The following XKR9 variants were observed in gnomAD, a reference collection of about 807,000 sequenced individuals.
XKR9 encodes XK related 9.
Under a neutral mutation model 32.0 loss-of-function variants are expected in XKR9, and 32 were observed. That is an observed-to-expected ratio of 1.00 (90% CI 0.76 to 1.34). XKR9 has a LOEUF of 1.34. XKR9 is among the 40% of genes most tolerant of loss of function. XKR9 has a pLI of 0.00. For synonymous variants in XKR9, 168 were observed against 143.4 expected, an observed-to-expected ratio of 1.17 and a Z score of -1.22; for missense variants, 546 against 429.7, an observed-to-expected ratio of 1.27 and a Z score of -2.39.
chr8:70,741,197 G>T (rs1282647976), intron 2 of XKR9, among the ~76,000 whole-genome samples: 1 of 152,126 alleles, frequency 6.6e-6, no homozygotes, highest in African/African-American at 2.4e-5. Context: ...TGGGGACTTT[G>T]GGCAGTATTT....
At chr8:70,954,536 A>G in the XKR9 span, among the ~76,000 whole-genome samples, 1 of 152,152 alleles carries the variant, frequency 6.6e-6, no homozygotes, top group Non-Finnish European at 1.5e-5. Flanking sequence ...CCTTTGCATT[A>G]TTTTCCATCA....
the XKR9 span, among the ~76,000 whole-genome samples, chr8:70,927,510 G>A: frequency 2.2e-4 from 33 of 152,274 alleles, no homozygotes; most frequent in African/African-American, 6.7e-4. Flanking sequence ...AGCAGATTCC[G>A]TGTCTGGGAA....
chr8:71,037,618 A>G, the XKR9 span, among the ~76,000 whole-genome samples: 1 of 152,196 alleles, frequency 6.6e-6, no homozygotes. Context: ...TAATTGAGAA[A>G]AGACTCACAC....
At chr8:71,056,973 C>T in the XKR9 span, among the ~76,000 whole-genome samples, 1 of 152,094 alleles carries the variant, frequency 6.6e-6, no homozygotes, top group South Asian at 2.1e-4. Context: ...GTTTCAACTC[C>T]TTTTATGCCA....
At chr8:70,715,970 C>T (rs959191459) in intron 4 of XKR9, among the ~76,000 whole-genome samples, 1 of 151,550 alleles carries the variant, frequency 6.6e-6, no homozygotes, top group South Asian at 2.1e-4. Context: ...TTAATCAAAA[C>T]ATGAGAGTAA....
chr8:70,780,944 TG>T (rs200878614), intron 2 of XKR9: 1 of 152,072 alleles, frequency 6.6e-6, no homozygotes, highest in East Asian at 1.9e-4. Context: ...AGTGGAGAGT[TG>T]TATACCAACT....
intron 4 of XKR9, among the ~76,000 whole-genome samples, chr8:70,732,720 A>T (rs1806713576): frequency 6.6e-6 from 1 of 152,228 alleles, no homozygotes; most frequent in Non-Finnish European, 1.5e-5. Flanking sequence ...ACAGTGGTGT[A>T]TGCTAAAACC....
the XKR9 span, among the ~76,000 whole-genome samples, chr8:70,876,345 A>G: frequency 6.7e-6 from 1 of 150,248 alleles, no homozygotes; most frequent in Non-Finnish European, 1.5e-5. Context: ...CTGAGTAGCT[A>G]GGATTACAGG....
At chr8:70,806,578 C>T in the XKR9 span, among the ~76,000 whole-genome samples, 1 of 152,096 alleles carries the variant, frequency 6.6e-6, no homozygotes, top group Non-Finnish European at 1.5e-5. Flanking sequence ...CATAAATGAC[C>T]TCATGGAGCT....
chr8:70,737,225 A>T (rs1276509207), downstream of XKR9, among the ~76,000 whole-genome samples: 210 of 146,476 alleles, frequency 1.4e-3, no homozygotes, highest in African/African-American at 5.0e-3. Flanking sequence ...ATTCTCTTTG[A>T]AGCAATTGTG....
chr8:70,801,358 G>A, the XKR9 span, among the ~76,000 whole-genome samples: 7 of 152,078 alleles, frequency 4.6e-5, no homozygotes, highest in Admixed American at 3.3e-4. Context: ...AGAGATTCTG[G>A]TATGTTGTAT....
At chr8:70,820,536 ATTAG>A in the XKR9 span, among the ~76,000 whole-genome samples, 2 of 152,324 alleles carry the variant, frequency 1.3e-5, no homozygotes, top group East Asian at 3.9e-4. Context: ...ACCAGCTTGT[ATTAG>A]TTCATTTTCT....
the XKR9 span, among the ~76,000 whole-genome samples, chr8:70,909,363 A>AT: frequency 6.6e-6 from 1 of 152,040 alleles, no homozygotes; most frequent in Admixed American, 6.6e-5. Flanking sequence ...CTGGTGGCAA[A>AT]TGTCTACTTG....
chr8:71,061,524 T>TACATATGCAAAACAATGATCTCAAAG, the XKR9 span, among the ~76,000 whole-genome samples: 18 of 152,240 alleles, frequency 1.2e-4, no homozygotes, highest in Non-Finnish European at 2.2e-4. Context: ...TGTCTCCTGT[T>TACATATGCAAAACAATGATCTCAAAG]ACATATGCAA....
intron 2 of XKR9, among the ~76,000 whole-genome samples, chr8:70,759,222 T>C (rs1338989030): frequency 6.6e-6 from 1 of 152,184 alleles, no homozygotes; most frequent in African/African-American, 2.4e-5. Context: ...AATGCAAGCT[T>C]TTAATCATGG....
chr8:70,902,631 C>T, the XKR9 span, among the ~76,000 whole-genome samples: 1 of 151,692 alleles, frequency 6.6e-6, no homozygotes, highest in African/African-American at 2.4e-5. Context: ...TTGTTTCTTT[C>T]TACTGCCTGA....
chr8:70,971,544 T>C, the XKR9 span, among the ~76,000 whole-genome samples: 2 of 152,224 alleles, frequency 1.3e-5, no homozygotes, highest in Non-Finnish European at 2.9e-5. Context: ...CCTAAGCCAA[T>C]GTCTAGAAGT....
chr8:70,793,445 G>A (rs1400559660), downstream of XKR9, among the ~76,000 whole-genome samples: 2 of 152,096 alleles, frequency 1.3e-5, no homozygotes, highest in Non-Finnish European at 2.9e-5. Flanking sequence ...AGCATGCTCA[G>A]CTCCTGTGCC....
intron 2 of XKR9, among the ~76,000 whole-genome samples, chr8:70,756,790 G>T (rs1030540722): frequency 6.6e-6 from 1 of 152,128 alleles, no homozygotes; most frequent in African/African-American, 2.4e-5. Context: ...CATGTCATCT[G>T]CAAATAGAGA....
Sources: gnomAD v4.1 joint callset for allele counts (sites outside exome capture counted in the v4.1 genomes callset) on GRCh38, gnomAD v4.1.1 for gene constraint, MANE v1.5 for transcripts, NCBI Gene and HGNC (gene_info 2026-07-23, HGNC 2026-07-21) for gene names.